MUC4: variants seen among roughly 807,000 people sequenced by gnomAD.
MUC4 encodes the protein mucin-4.
A neutral mutation model predicts 257.9 loss-of-function variants in MUC4; 202 were observed. The observed-to-expected ratio is 0.78, with a 90% CI of 0.70 to 0.88. The LOEUF (loss-of-function observed/expected upper bound fraction) is 0.88, where lower values mean the gene tolerates loss of function less well. MUC4 is among the 40% of genes least tolerant of loss of function. The pLI is 0.00. For missense variants in MUC4, 5,976 were observed against 6,513.7 expected, an observed-to-expected ratio of 0.92 and a Z score of 2.84; for synonymous variants, 2,351 against 2,757.1, an observed-to-expected ratio of 0.85 and a Z score of 4.62.
Position 195,782,317 on chromosome 3 carries a change from G to A in MUC4, c.9263C>T (p.Pro3088Leu), listed in dbSNP as rs777594364. 6 of 1,542,230 alleles carry A rather than the reference G, an allele frequency of 3.9e-6. No homozygotes were observed. In the African/African-American group the frequency reaches 7.0e-5, roughly 18 times the overall value. ...TGAGGAAAGGCTGGTGACAGGAAGA[G>A]GGGTGGCGTGACCTGTGGATGCTGA... The part of the protein sequence containing the change: ...TSSASTGHAT[P>L]LPVTSLSSVS... The change falls in exon 2 of 25, where the codon CCT becomes CTT. Residue 3088 changes from proline (P) to leucine (L), a missense_variant. Coordinates refer to ENST00000463781, the MANE Select transcript of MUC4 (RefSeq NM_018406.7).
At chr3:195,753,374 C>G (rs115156596) in intron 19 of MUC4, 144 bp from the exon 20 acceptor site, 39 of 761,294 alleles carry the variant, frequency 5.1e-5, no homozygotes, top group South Asian at 4.3e-4. Flanking sequence ...TCCTTCCCCC[C>G]TTTTCCAGGC....
rs757167022 is a variant in MUC4 at position 195,786,950 on chromosome 3, A to T, written c.4630T>A (p.Ser1544Thr). The T allele has an allele frequency of 4.3e-5, 41 of 946,274 alleles. 4 individuals are homozygous for T. The Admixed American group carries it at 1.1e-3, about 25-fold the overall frequency. The allele number at this position is 946,274 out of a possible 1,614,324, so 58.6% of individuals were successfully genotyped here. A position where few individuals can be genotyped will look rare whatever the true frequency, so the allele number is the denominator to read the frequency against. Reference protein sequence around the residue: ...TMPLPVTSPSSASTGDTTPLP... With the variant: ...TMPLPVTSPSTASTGDTTPLP... Reference sequence around the variant, plus strand: ...GGGGTGGTGTCACCTGTGGATGCTGAGGAAGGGCTAGTGACAGGAAGAGGC... The same window carrying T: ...GGGGTGGTGTCACCTGTGGATGCTGTGGAAGGGCTAGTGACAGGAAGAGGC... The change falls in exon 2 of 25, where the codon TCA becomes ACA. Residue 1544 changes from serine (S) to threonine (T), a missense_variant. Transcript: ENST00000463781.
At chr3:195,774,451 C>T in intron 3 of MUC4, 146 bp from the exon 4 acceptor site, 1 of 910,924 alleles carries the variant, frequency 1.1e-6, no homozygotes, top group East Asian at 3.2e-5. Context: ...TAGGGTGCTT[C>T]TCGCTCCCTC....
At chr3:195,778,756 T>G (rs1560292983) in intron 2 of MUC4, 34 bp downstream of exon 2, 2 of 1,574,568 alleles carry the variant, frequency 1.3e-6, no homozygotes, top group Non-Finnish European at 1.7e-6. Flanking sequence ...AGGGGCCCAC[T>G]GGGAGACATA....
chr3:195,766,714 G>A lies in MUC4; in HGVS notation c.13567C>T (p.Gln4523Ter). 1 of 1,614,184 alleles carries A rather than the reference G, an allele frequency of 6.2e-7. No homozygotes were observed. Among genetic ancestry groups the A allele is most frequent in the Non-Finnish European group, 8.5e-7 (1 of 1,180,010 alleles). ...GYFENSPLMS[Q>*]PVWERYRPDR... ...GGGCGATACCTCTCCCACACTGGCT[G>A]GGACATCAGTGGGCTGTTTTCGAAA... Residue 4523 changes from glutamine (Q) to a stop codon, truncating the protein, a stop_gained, in exon 8 of 25, where the codon CAG becomes TAG. Coordinates refer to ENST00000463781, the MANE Select transcript of MUC4 (RefSeq NM_018406.7). LOFTEE classifies it high-confidence loss of function.
chr3:195,771,137 T>A (rs1188147099), intron 5 of MUC4, among the ~76,000 whole-genome samples: 4 of 149,044 alleles, frequency 2.7e-5, no homozygotes, highest in Non-Finnish European at 5.9e-5. Context: ...TCCTGGTCAG[T>A]CTCGCGGCCG....
At chr3:195,761,961 C>T in intron 14 of MUC4, 126 bp downstream of exon 14, 1 of 1,187,966 alleles carries the variant, frequency 8.4e-7, no homozygotes, top group Non-Finnish European at 1.2e-6. Context: ...GCTCTGTGCC[C>T]CAAGGGTTCT....
intron 10 of MUC4, 24 bp downstream of exon 10, chr3:195,764,973 G>A: frequency 1.2e-6 from 2 of 1,610,938 alleles, no homozygotes; most frequent in Non-Finnish European, 1.7e-6. Context: ...GGGAAGGTGG[G>A]GTTGAGATCA....
chr3:195,754,801 T>C (rs903129947), intron 18 of MUC4, among the ~76,000 whole-genome samples: 2 of 152,048 alleles, frequency 1.3e-5, no homozygotes, highest in Non-Finnish European at 2.9e-5. Context: ...CATGCATGTA[T>C]GCATGTATGT....
intron 20 of MUC4, 107 bp from the exon 21 acceptor site, chr3:195,752,553 G>T (rs1379725203): frequency 1.1e-6 from 1 of 933,150 alleles, no homozygotes; most frequent in Admixed American, 2.0e-5. Context: ...AGTGACAGAA[G>T]GTCACTGAAG....
chr3:195,767,835 C>CCATCACCATCACCACCAT (rs1560265612), intron 7 of MUC4, among the ~76,000 whole-genome samples: 1 of 114,772 alleles, frequency 8.7e-6, no homozygotes, highest in Non-Finnish European at 2.0e-5. Context: ...ACCACCATCA[C>CCATCACCATCACCACCAT]CACCACCACC....
chr3:195,757,385 T>C lies in MUC4; in HGVS notation c.14987-57A>G. On this transcript the variant is annotated intron_variant, in intron 17 of 24. Coordinates refer to ENST00000463781, the MANE Select transcript of MUC4 (RefSeq NM_018406.7). The surrounding 1 kb of genome is among the most constrained non-coding windows in gnomAD (Gnocchi z 4.8). ...TGGGAGACTCCTCGGCTCTGTGGTC[T>C]GATTGCTGATACGGGGCTTCCCCCA... The C allele has an allele frequency of 6.7e-7, 1 of 1,495,350 alleles. No homozygotes were observed. The highest frequency in any genetic ancestry group is 9.1e-7 in the Non-Finnish European group (1 of 1,098,956). The allele number at this position is 1,495,350 out of a possible 1,614,324, so 92.6% of individuals were successfully genotyped here. A position where few individuals can be genotyped will look rare whatever the true frequency, so the allele number is the denominator to read the frequency against.
At position 195,788,924 on chromosome 3, in the gene MUC4, T is replaced by G. The variant is rs1733463310; in HGVS notation, c.2656A>C (p.Thr886Pro). Residue 886 changes from threonine to proline, a missense_variant, in exon 2 of 25, where the codon ACA becomes CCA. Around this residue, in one of 44 missense-constraint regions of MUC4, gnomAD observed 1,583 missense variants for 1,257.4 expected, o/e 1.26. Transcript: ENST00000463781. The stretch of plus-strand genomic sequence containing the variant: ...GGAGAAGTTGGGCTTGACTGTCCTG[T>G]CGGTCTCCCTGCAGTGGAGGCCTCA... ...LSEASTAGRP[T>P]GQSSPTSPSA... The G allele has an allele frequency of 6.2e-7, 1 of 1,613,648 alleles. No individual in the cohort carries two copies. Among genetic ancestry groups the G allele is most frequent in the Non-Finnish European group, 8.5e-7 (1 of 1,179,756 alleles).
intron 5 of MUC4, 146 bp downstream of exon 5, chr3:195,771,506 T>G: frequency 3.2e-6 from 3 of 948,108 alleles, no homozygotes; most frequent in Non-Finnish European, 4.6e-6. Context: ...GTCCCTTGAC[T>G]GCTTCCTCCC....
chr3:195,767,569 A>C (rs1266491389), intron 7 of MUC4, among the ~76,000 whole-genome samples: 1 of 112,788 alleles, frequency 8.9e-6, no homozygotes, highest in Admixed American at 7.9e-5. Context: ...CATTGCCACC[A>C]CCATCACCAC....
intron 1 of MUC4, among the ~76,000 whole-genome samples, chr3:195,795,660 G>A (rs1482121766): frequency 6.6e-6 from 1 of 151,874 alleles, no homozygotes; most frequent in Non-Finnish European, 1.5e-5. Context: ...CCTGCAAAAA[G>A]CTGGAACCGC....
At chr3:195,763,990 C>T (rs1462326263) in intron 11 of MUC4, 55 bp downstream of exon 11, 1 of 1,569,548 alleles carries the variant, frequency 6.4e-7, no homozygotes. Flanking sequence ...CTCCCGGAAG[C>T]CCAGAAGCTC....
chr3:195,806,065 G>A (rs1309896086), intron 1 of MUC4, among the ~76,000 whole-genome samples: 2 of 152,182 alleles, frequency 1.3e-5, no homozygotes, highest in Non-Finnish European at 1.5e-5. Context: ...GCAGTGAGCC[G>A]AGATAACGCC....
At position 195,789,703 on chromosome 3, in the gene MUC4, G is replaced by T; in HGVS notation, c.1877C>A (p.Thr626Asn). ...TNHSTIHSTS[T>N]SPQESPAVSQ... ...AACAGCTGGTGATTCCTGAGGAGAG[G>T]TGCTTGTGGAATGTATTGTTGAATG... The change falls in exon 2 of 25, where the codon ACC (threonine) becomes AAC (asparagine). Residue 626 changes from threonine to asparagine, a missense_variant. Physicochemically the swap from Thr to Asn is moderately conservative, Grantham distance 65. Around this residue, in one of 44 missense-constraint regions of MUC4, gnomAD observed 1,583 missense variants for 1,257.4 expected, o/e 1.26. Coordinates refer to ENST00000463781, the MANE Select transcript of MUC4 (RefSeq NM_018406.7). The T allele has an allele frequency of 6.2e-7, 1 of 1,613,984 alleles. No homozygotes were observed. Among genetic ancestry groups the T allele is most frequent in the Non-Finnish European group, 8.5e-7 (1 of 1,179,884 alleles).
Sources: allele counts gnomAD v4.1 joint callset (sites outside exome capture counted in the v4.1 genomes callset), GRCh38; gene constraint gnomAD v4.1.1; regional missense constraint gnomAD v4.1.1; non-coding constraint Gnocchi (gnomAD v3.1); transcripts MANE v1.5; gene names NCBI Gene and HGNC (gene_info 2026-07-23, HGNC 2026-07-21).